The following KIF18A variants were observed in gnomAD, a reference collection of about 807,000 sequenced individuals.
KIF18A encodes kinesin-like protein KIF18A.
A neutral mutation model predicts 103.3 loss-of-function variants in KIF18A; 67 were observed. The observed-to-expected ratio is 0.65, with a 90% confidence interval of 0.53 to 0.79. The LOEUF is 0.79. Ranked by LOEUF, KIF18A falls within the 30% of genes least tolerant of loss-of-function variation. KIF18A has a pLI of 0.00. For synonymous variants in KIF18A, 367 were observed against 355.5 expected, an observed-to-expected ratio of 1.03 and a Z score of -0.36; for missense variants, 1,032 against 1,062.5, an observed-to-expected ratio of 0.97 and a Z score of 0.40.
At chr11:28,098,658 T>C (rs1048760702) in intron 1 of KIF18A, among the ~76,000 whole-genome samples, 1 of 152,150 alleles carries the variant, frequency 6.6e-6, no homozygotes. Context: ...TCTCTGAATA[T>C]TGATCCTACT....
chr11:28,036,096 T>C (rs1245062289), intron 14 of KIF18A, 121 bp downstream of exon 14: 1 of 602,128 alleles, frequency 1.7e-6, no homozygotes. Context: ...TAAAATTTAA[T>C]GAAAATAAAA....
chr11:28,076,122 C>A (rs1037580701), intron 10 of KIF18A, among the ~76,000 whole-genome samples: 1 of 151,812 alleles, frequency 6.6e-6, no homozygotes, highest in Admixed American at 6.6e-5. Context: ...TCCTTTGGGT[C>A]TCTTATCTAA....
At chr11:28,085,924 G>C (rs1444321680) in intron 6 of KIF18A, among the ~76,000 whole-genome samples, 1 of 152,046 alleles carries the variant, frequency 6.6e-6, no homozygotes, top group Non-Finnish European at 1.5e-5. Context: ...TGATGACAAA[G>C]AATCTTACAG....
Position 28,062,404 on chromosome 11 carries a change from T to C in KIF18A, c.1703A>G (p.Gln568Arg), listed in dbSNP as rs369217703. Residue 568 changes from glutamine to arginine, a missense_variant, in exon 12 of 17, where the codon CAG (glutamine) becomes CGG (arginine). Transcript: ENST00000263181. ...AAATGTATGTACTCACGCTTCAGTC[T>C]GCCTGTGTTGCTGTTCCTGAAGACA... ...LACLQEQQHR[Q>R]TEAVLNALLP... is the part of the protein sequence containing the mutation. The C allele has an allele frequency of 1.9e-6, 3 of 1,607,722 alleles. No homozygotes were observed. The highest frequency in any genetic ancestry group is 1.7e-6 in the Non-Finnish European group (2 of 1,176,834).
intron 6 of KIF18A, among the ~76,000 whole-genome samples, chr11:28,088,206 T>C (rs1851256255): frequency 6.6e-6 from 1 of 152,086 alleles, no homozygotes. Context: ...AATTAACATG[T>C]TTGCTGTGTA....
Position 28,073,382 on chromosome 11 carries a change from C to A in KIF18A, c.1425+3625G>T, listed in dbSNP as rs552185462. ...GCCCAGTACAAATCTCATCTTTCCA[C>A]CAGGAAGCCTTCTTACTAAAAATAG... is the stretch of plus-strand genomic sequence containing the variant. On this transcript the variant is annotated intron_variant, in intron 10 of 16. Transcript: ENST00000263181. Among the ~76,000 whole-genome samples the A allele has an allele frequency of 2.6e-4, 39 of 152,190 alleles. 1 individual carries two copies. Among genetic ancestry groups the A allele is most frequent in the Admixed American group, 4.6e-4 (7 of 15,284 alleles).
rs766480288 is a variant in KIF18A at position 28,091,391 on chromosome 11, A to C, written c.588+18T>G. On this transcript the variant is annotated intron_variant, in intron 4 of 16. Coordinates refer to ENST00000263181, the MANE Select transcript of KIF18A (RefSeq NM_031217.4). The stretch of plus-strand genomic sequence containing the variant: ...ACATTTGCTATTCTAACAGGGAAAA[A>C]GATGTTTATATACATACCTGGTGTA... 6.1e-6 allele frequency: 8 copies of C among 1,314,690 alleles called. No individual in the cohort carries two copies. The highest frequency in any genetic ancestry group is 6.5e-6 in the Non-Finnish European group (6 of 917,098). The allele number at this position is 1,314,690 out of a possible 1,614,324, so 81.4% of individuals were successfully genotyped here. A position where few individuals can be genotyped will look rare whatever the true frequency, so the allele number is the denominator to read the frequency against.
At chr11:28,080,294 C>T (rs1851148008) in intron 9 of KIF18A, among the ~76,000 whole-genome samples, 1 of 150,034 alleles carries the variant, frequency 6.7e-6, no homozygotes, top group Non-Finnish European at 1.5e-5. Flanking sequence ...TTCTTGAATT[C>T]AGTTGAGAAT....
At chr11:28,055,391 C>G (rs1413255029) in intron 13 of KIF18A, among the ~76,000 whole-genome samples, 2 of 152,146 alleles carry the variant, frequency 1.3e-5, no homozygotes, top group Non-Finnish European at 2.9e-5. Context: ...CAGGAGGAAG[C>G]TGGAGGCTCA....
chr11:28,037,860 T>A lies in KIF18A; in HGVS notation c.1949-1196A>T, dbSNP rs184951232. Among the ~76,000 whole-genome samples, 3 of 151,616 alleles carry A rather than the reference T, an allele frequency of 2.0e-5. No individual in the cohort carries two copies. In the East Asian group the frequency reaches 5.8e-4, roughly 29 times the overall value. Reference sequence around the variant, plus strand: ...TGTACTATTCTAACATCTGTGTTATTCTCTTCTTCCATCTAGTAAATGTAC... The same window carrying A: ...TGTACTATTCTAACATCTGTGTTATACTCTTCTTCCATCTAGTAAATGTAC... On this transcript the variant is annotated intron_variant, in intron 13 of 16. Coordinates refer to ENST00000263181, the MANE Select transcript of KIF18A (RefSeq NM_031217.4).
intron 13 of KIF18A, among the ~76,000 whole-genome samples, chr11:28,040,530 A>C (rs1161443133): frequency 6.6e-6 from 1 of 151,824 alleles, no homozygotes; most frequent in Non-Finnish European, 1.5e-5. Flanking sequence ...TGAATCACAA[A>C]GTTGCAGGCT....
chr11:28,069,361 T>C lies in KIF18A; in HGVS notation c.1488A>G (p.Lys496=), dbSNP rs560607761. 13 of 1,613,642 alleles carry C rather than the reference T, an allele frequency of 8.1e-6. No individual in the cohort carries two copies. Among genetic ancestry groups the C allele is most frequent in the Middle Eastern group, 1.7e-4 (1 of 6,054 alleles). ...ATTGCTTCAATTCCTCCTCCCTCCTTTTCTCCAGGTAGGAGCGACGAGTTT... is the reference window on the plus strand; with the variant it reads ...ATTGCTTCAATTCCTCCTCCCTCCTCTTCTCCAGGTAGGAGCGACGAGTTT... The part of the protein sequence containing the change: ...MLKTRRSYLE[K]RREEELKQFD... The change falls in exon 11 of 17, where the codon AAA becomes AAG. Residue 496 remains lysine (K), a synonymous_variant. Coordinates refer to ENST00000263181, the MANE Select transcript of KIF18A (RefSeq NM_031217.4).
intron 9 of KIF18A, among the ~76,000 whole-genome samples, chr11:28,080,932 C>T (rs539613518): frequency 6.6e-6 from 1 of 152,224 alleles, no homozygotes; most frequent in East Asian, 1.9e-4. Context: ...AGTGAAACAG[C>T]CTTATTGCTG....
At chr11:28,105,319 T>A (rs557187988) in intron 1 of KIF18A, among the ~76,000 whole-genome samples, 1 of 152,296 alleles carries the variant, frequency 6.6e-6, no homozygotes, top group Non-Finnish European at 1.5e-5. Flanking sequence ...AAAGGCCAAA[T>A]ACTTAATCAC....
intron 13 of KIF18A, among the ~76,000 whole-genome samples, chr11:28,055,479 T>C (rs189295946): frequency 1.3e-5 from 2 of 152,278 alleles, no homozygotes; most frequent in Non-Finnish European, 2.9e-5. Flanking sequence ...CAGAAAAGCA[T>C]AGCAACAGTG....
Position 28,035,474 on chromosome 11 carries a change from G to A in KIF18A, c.2417C>T (p.Ser806Leu). ...ILQRLDPSSF[S>L]TKHSMPVPSM... ...TGGTACAGGCATAGAATGCTTAGTT[G>A]AGAATGAAGAAGGATCAAGCCTGTA... The change falls in exon 15 of 17, where the codon TCA becomes TTA. Residue 806 changes from serine (S) to leucine (L), a missense_variant. By Grantham distance (145) the Ser-to-Leu change is moderately radical (BLOSUM62 -2). Transcript: ENST00000263181. 6.3e-7 allele frequency: 1 copy of A among 1,593,222 alleles called. No homozygotes were observed. The highest frequency in any genetic ancestry group is 8.6e-7 in the Non-Finnish European group (1 of 1,168,132).
At chr11:28,022,326 G>A (rs1299275877) in intron 16 of KIF18A, among the ~76,000 whole-genome samples, 3 of 151,064 alleles carry the variant, frequency 2.0e-5, no homozygotes, top group African/African-American at 7.3e-5. Context: ...GTGCAGTGGT[G>A]CGATCTCGGC....
rs200977819 is a variant in KIF18A, at chr11:28,059,062, G to A, written c.1812C>T (p.Ile604=). 420 of 1,613,922 alleles carry A rather than the reference G, an allele frequency of 2.6e-4. No homozygotes were observed. Among genetic ancestry groups the A allele is most frequent in the East Asian group, 3.8e-4 (17 of 44,856 alleles). The part of the protein sequence containing the change: ...NAAFESDFKE[I]EHLVERKKVV... ...CTTTTTTCCTCTCTACCAAATGTTCGATCTCTTTGAAGTCAGATTCAAAAG... is the reference window on the plus strand; with the variant it reads ...CTTTTTTCCTCTCTACCAAATGTTCAATCTCTTTGAAGTCAGATTCAAAAG... The change falls in exon 13 of 17, where the codon ATC becomes ATT. Residue 604 remains isoleucine, a synonymous_variant. Transcript: ENST00000263181.
rs184703536 is a variant in KIF18A, at chr11:28,023,386, G to A, written c.2614+355C>T. On this transcript the variant is annotated intron_variant, in intron 16 of 16. Coordinates refer to ENST00000263181, the MANE Select transcript of KIF18A (RefSeq NM_031217.4). Reference sequence around the variant, plus strand: ...ACGCTAAGAGAAAAATTTAAAGTGGGTATAGTTTATCTGCAAAATACACTT... The same window carrying A: ...ACGCTAAGAGAAAAATTTAAAGTGGATATAGTTTATCTGCAAAATACACTT... 3.4e-3 allele frequency among the ~76,000 whole-genome samples: 513 copies of A among 152,186 alleles called. 6 individuals carry two copies. Among genetic ancestry groups the A allele is most frequent in the African/African-American group, 0.012 (495 of 41,540 alleles).
Sources: allele counts gnomAD v4.1 joint callset (sites outside exome capture counted in the v4.1 genomes callset), GRCh38; gene constraint gnomAD v4.1.1; transcripts MANE v1.5; gene names NCBI Gene and HGNC (gene_info 2026-07-23, HGNC 2026-07-21).